LAMB4: variants seen among roughly 807,000 people sequenced by gnomAD.
LAMB4 encodes the protein laminin subunit beta-4.
A neutral mutation model predicts 199.2 loss-of-function variants in LAMB4; 196 were observed. That is an observed-to-expected ratio of 0.98 (90% confidence interval 0.88 to 1.11). LAMB4 has a LOEUF of 1.11. LAMB4 is among the 50% of genes least tolerant of loss of function. The probability of loss-of-function intolerance (pLI) is 0.00; values close to 1 mark genes in which losing one functional copy is unlikely to be tolerated. For synonymous variants in LAMB4, 744 were observed against 770.6 expected (o/e 0.97, Z 0.57); for missense variants, 2,080 against 2,171.2 (o/e 0.96, Z 0.83).
intron 25 of LAMB4, among the ~76,000 whole-genome samples, chr7:108,052,571 T>A (rs1284708758): frequency 6.6e-6 from 1 of 152,248 alleles, no homozygotes; most frequent in African/African-American, 2.4e-5. Context: ...TTTCAAAACA[T>A]GCATTCAGAC....
In LAMB4 at chr7:108,105,819, T is replaced by G; in HGVS notation, c.868A>C (p.Met290Leu). Reference protein sequence around the residue: ...MRGDVFSPPGMVHGQCVCQHN... With the variant: ...MRGDVFSPPGLVHGQCVCQHN... Reference sequence around the variant, plus strand: ...GTTCTTTTGGATTAATAACTCACCATTCCAGGAGGGCTGAAAACATCTCCC... The same window carrying G: ...GTTCTTTTGGATTAATAACTCACCAGTCCAGGAGGGCTGAAAACATCTCCC... The change falls in exon 8 of 34, where the codon ATG (methionine) becomes CTG (leucine). Residue 290 changes from methionine to leucine, a missense_variant and splice_region_variant. Coordinates refer to ENST00000388781, the MANE Select transcript of LAMB4 (RefSeq NM_007356.3). The G allele has an allele frequency of 6.2e-7, 1 of 1,613,922 alleles. No homozygotes were observed. Among genetic ancestry groups the G allele is most frequent in the Non-Finnish European group, 8.5e-7 (1 of 1,179,776 alleles).
chr7:108,111,140 A>G (rs554319424), intron 4 of LAMB4, among the ~76,000 whole-genome samples: 17 of 152,310 alleles, frequency 1.1e-4, no homozygotes, highest in African/African-American at 3.8e-4. Context: ...CTGCATTAGG[A>G]AAGTCCGGCC....
chr7:108,107,541 G>A (rs900728726), intron 6 of LAMB4, 90 bp downstream of exon 6: 2 of 1,013,110 alleles, frequency 2.0e-6, no homozygotes, highest in African/African-American at 3.3e-5. Flanking sequence ...TTACATTACA[G>A]TAAACACTAT....
At position 108,030,982 on chromosome 7, in the gene LAMB4, G is replaced by T. The variant is rs372836017; in HGVS notation, c.4819-3C>A. Reference sequence around the variant, plus strand: ...ATTTCCCTGGTTTGATTTTCAGCCTGTTGTTGATTTAAAGACCAAAAAGGG... The same window carrying T: ...ATTTCCCTGGTTTGATTTTCAGCCTTTTGTTGATTTAAAGACCAAAAAGGG... On this transcript the variant is annotated splice_polypyrimidine_tract_variant and splice_region_variant and intron_variant, in intron 31 of 33. Transcript: ENST00000388781. 2.5e-6 allele frequency: 4 copies of T among 1,611,172 alleles called. No homozygotes were observed. In the African/African-American group the frequency reaches 5.3e-5, roughly 22 times the overall value.
At chr7:108,069,598 T>C (rs2036460704) in intron 18 of LAMB4, 110 bp downstream of exon 18, 7 of 898,690 alleles carry the variant, frequency 7.8e-6, no homozygotes, top group Non-Finnish European at 1.0e-5. Context: ...CATTGAGTGA[T>C]GGGTATTTTG....
intron 33 of LAMB4, among the ~76,000 whole-genome samples, chr7:108,025,464 T>C (rs1295678989): frequency 6.9e-6 from 1 of 144,856 alleles, no homozygotes. Flanking sequence ...GTTTTGCTCT[T>C]GTTGCCCAGG....
chr7:108,049,573 C>T, intron 26 of LAMB4, 42 bp from the exon 27 acceptor site: 1 of 1,142,354 alleles, frequency 8.8e-7, no homozygotes, highest in Non-Finnish European at 1.3e-6. Flanking sequence ...TTTGTGAAAA[C>T]AAATGAAATT....
chr7:108,079,755 A>G lies in LAMB4; in HGVS notation c.1733T>C (p.Val578Ala), dbSNP rs1453701122. 1 of 1,604,038 alleles carries G rather than the reference A, an allele frequency of 6.2e-7. No homozygotes were observed. The highest frequency in any genetic ancestry group is 1.7e-5 in the Admixed American group (1 of 57,640). Reference protein sequence around the residue: ...GSETFGQSPAVHVVLGEPVPG... With the variant: ...GSETFGQSPAAHVVLGEPVPG... ...AACTGGCTCTCCTAAAACAACGTGA[A>G]CAGCAGGACTCTGGCCAAACGTCTC... The change falls in exon 15 of 34, where the codon GTT becomes GCT. Residue 578 changes from valine (V) to alanine (A), a missense_variant. By Grantham distance (64) the Val-to-Ala change is moderately conservative (BLOSUM62 0). Coordinates refer to ENST00000388781, the MANE Select transcript of LAMB4 (RefSeq NM_007356.3).
chr7:108,096,938 TCAAAAAAAAAAAA>T (rs1563089351), intron 11 of LAMB4, among the ~76,000 whole-genome samples: 2 of 34,844 alleles, frequency 5.7e-5, no homozygotes, highest in East Asian at 8.6e-4. Context: ...TCTGTCTCTC[TCAAAAAAAAAAAA>T]AAAAAAAAAA....
At chr7:108,059,392 T>G (rs2036088229) in intron 23 of LAMB4, among the ~76,000 whole-genome samples, 1 of 152,118 alleles carries the variant, frequency 6.6e-6, no homozygotes, top group African/African-American at 2.4e-5. Context: ...CCCCTTACAG[T>G]CCTTCTCCCA....
chr7:108,026,238 A>G (rs1382605587), intron 33 of LAMB4, among the ~76,000 whole-genome samples: 1 of 152,212 alleles, frequency 6.6e-6, no homozygotes, highest in African/African-American at 2.4e-5. Flanking sequence ...CCCATCAAGA[A>G]GTAGAATCTA....
In LAMB4 at chr7:108,029,110, A is replaced by C; in HGVS notation, c.5079T>G (p.Val1693=). 6.2e-7 allele frequency: 1 copy of C among 1,614,074 alleles called. No individual in the cohort carries two copies. The highest frequency in any genetic ancestry group is 8.5e-7 in the Non-Finnish European group (1 of 1,179,986). ...TGLTKETLGK[V]KQLKDAAEKL... The stretch of plus-strand genomic sequence containing the variant: ...TTTCTGCCGCATCTTTTAGCTGTTT[A>C]ACTTTTCCTAATGTCTCCTTTGTTA... Residue 1693 remains valine (V), a synonymous_variant, in exon 33 of 34, where the codon GTT becomes GTG. Transcript: ENST00000388781.
At chr7:108,062,177 G>A (rs2036185377) in intron 23 of LAMB4, among the ~76,000 whole-genome samples, 1 of 152,092 alleles carries the variant, frequency 6.6e-6, no homozygotes, top group Non-Finnish European at 1.5e-5. Context: ...TAAAAATTCT[G>A]TGCCCACTGG....
In LAMB4 at chr7:108,069,826, A is replaced by G; in HGVS notation, c.2184T>C (p.Asp728=). 6.2e-7 allele frequency: 1 copy of G among 1,614,024 alleles called. No individual in the cohort carries two copies. The highest frequency in any genetic ancestry group is 8.5e-7 in the Non-Finnish European group (1 of 1,179,886). ...LENFCSKQDL[D]EYQLHNCVEI... Reference sequence around the variant, plus strand: ...CAACACAGTTGTGAAGCTGATACTCATCTAAGTCCTGCTTGCTGCAGAAAT... The same window carrying G: ...CAACACAGTTGTGAAGCTGATACTCGTCTAAGTCCTGCTTGCTGCAGAAAT... Residue 728 remains aspartate, a synonymous_variant, in exon 18 of 34, where the codon GAT becomes GAC. Transcript: ENST00000388781.
chr7:108,068,185 A>G, intron 18 of LAMB4, 26 bp from the exon 19 acceptor site: 1 of 1,612,668 alleles, frequency 6.2e-7, no homozygotes, highest in East Asian at 2.2e-5. Flanking sequence ...GAAGGGAGGT[A>G]GAAATGAATG....
chr7:108,073,801 G>A (rs190465359), intron 17 of LAMB4, among the ~76,000 whole-genome samples: 1 of 152,350 alleles, frequency 6.6e-6, no homozygotes, highest in Non-Finnish European at 1.5e-5. Flanking sequence ...AGTGCACACT[G>A]TAGTTGCCCG....
intron 14 of LAMB4, among the ~76,000 whole-genome samples, chr7:108,090,360 G>A (rs796660792): frequency 1.3e-5 from 2 of 152,226 alleles, no homozygotes; most frequent in South Asian, 4.2e-4. Context: ...CACCTTGAAT[G>A]CTTTTTCTTT....
At chr7:108,128,747 A>G (rs2038881109) in intron 1 of LAMB4, among the ~76,000 whole-genome samples, 1 of 152,208 alleles carries the variant, frequency 6.6e-6, no homozygotes, top group South Asian at 2.1e-4. Flanking sequence ...GTCAAACTAT[A>G]AGTTTAATTG....
At chr7:108,048,833 C>T (rs1391398468) in intron 27 of LAMB4, among the ~76,000 whole-genome samples, 1 of 152,178 alleles carries the variant, frequency 6.6e-6, no homozygotes. Context: ...GCTGAGATTA[C>T]AGGTGCACGC....
Sources: gnomAD v4.1 joint callset for allele counts (sites outside exome capture counted in the v4.1 genomes callset) on GRCh38, gnomAD v4.1.1 for gene constraint, MANE v1.5 for transcripts, NCBI Gene and HGNC (gene_info 2026-07-23, HGNC 2026-07-21) for gene names.